Variants in ATP9A observed in about 807,000 individuals in gnomAD.
The protein encoded by ATP9A is probable phospholipid-transporting ATPase IIA.
Under a neutral mutation model 144.1 loss-of-function variants are expected in ATP9A, and 52 were observed. The ratio of observed to expected loss-of-function variants is 0.36; its 90% CI spans 0.29 to 0.45. The LOEUF is 0.45. Ranked by LOEUF, ATP9A falls within the 20% of genes least tolerant of loss-of-function variation. The pLI, the probability that ATP9A is intolerant of heterozygous loss-of-function variation, is 1.00. For synonymous variants in ATP9A, 582 were observed against 557.4 expected (o/e 1.04, Z -0.62); for missense variants, 947 against 1,392.7 (o/e 0.68, Z 5.09).
At chr20:51,760,832 G>A (rs1476752836) in intron 1 of ATP9A, among the ~76,000 whole-genome samples, 1 of 151,900 alleles carries the variant, frequency 6.6e-6, no homozygotes, top group East Asian at 1.9e-4. Context: ...AGACCATCCT[G>A]GTCAACATGG....
intron 9 of ATP9A, among the ~76,000 whole-genome samples, chr20:51,688,554 T>C (rs1379972296): frequency 6.6e-6 from 1 of 151,808 alleles, no homozygotes; most frequent in Non-Finnish European, 1.5e-5. Context: ...ATTGTGCCAC[T>C]GTACTCCAGC....
In ATP9A at chr20:51,639,523, C is replaced by T. The variant is rs1489158616; in HGVS notation, c.1507-19G>A. The T allele has an allele frequency of 5.0e-6, 8 of 1,590,494 alleles. No homozygotes were observed. The highest frequency in any genetic ancestry group is 6.8e-6 in the Non-Finnish European group (8 of 1,168,590). On this transcript the variant is annotated intron_variant, in intron 14 of 27. Transcript: ENST00000338821. ...GGGCCACCTAAACATAACACAGGGT[C>T]GAAGGTCAGATGCCCAGCCGAGAAT... is the stretch of plus-strand genomic sequence containing the variant.
At chr20:51,650,282 T>A (rs2077358253) in intron 14 of ATP9A, among the ~76,000 whole-genome samples, 1 of 152,208 alleles carries the variant, frequency 6.6e-6, no homozygotes, top group Admixed American at 6.5e-5. Context: ...ACGCCTGTAC[T>A]CTCAGCACTT....
chr20:51,698,654 G>A (rs977871102), intron 4 of ATP9A, among the ~76,000 whole-genome samples: 1 of 152,172 alleles, frequency 6.6e-6, no homozygotes, highest in Middle Eastern at 3.2e-3. Context: ...GAATCAGAGG[G>A]GTGGCTGTCA....
chr20:51,613,141 G>A (rs2077190935), intron 23 of ATP9A, among the ~76,000 whole-genome samples: 1 of 152,148 alleles, frequency 6.6e-6, no homozygotes. Flanking sequence ...ACACTGCATT[G>A]TCAACACTTA....
chr20:51,681,461 G>A (rs561327574), intron 9 of ATP9A, among the ~76,000 whole-genome samples: 12 of 122,604 alleles, frequency 9.8e-5, no homozygotes, highest in South Asian at 4.9e-4. Flanking sequence ...TCACTTTGTC[G>A]CCCAGGCTGG....
At chr20:51,751,900 T>C (rs1467726225) in intron 1 of ATP9A, among the ~76,000 whole-genome samples, 2 of 152,080 alleles carry the variant, frequency 1.3e-5, no homozygotes, top group African/African-American at 4.8e-5. Context: ...TCCTCTTCTT[T>C]ATTCACTCGC....
rs576508269 is a variant in ATP9A, at chr20:51,746,491, G to C, written c.69-16513C>G. On this transcript the variant is annotated intron_variant, in intron 1 of 27. Transcript: ENST00000338821. ...AGGCAGGCGGATCACCTGAGGTCAGGAGTTCAGGACCAGCCTGGCCAACAT... is the reference window on the plus strand; with the variant it reads ...AGGCAGGCGGATCACCTGAGGTCAGCAGTTCAGGACCAGCCTGGCCAACAT... Among the ~76,000 whole-genome samples, 10 of 152,260 alleles carry C rather than the reference G, an allele frequency of 6.6e-5. No homozygotes were observed. In the East Asian group the frequency reaches 1.9e-3, roughly 29 times the overall value.
At chr20:51,743,424 G>A (rs1174509549) in intron 1 of ATP9A, among the ~76,000 whole-genome samples, 3 of 24,020 alleles carry the variant, frequency 1.2e-4, no homozygotes, top group African/African-American at 9.1e-4. Context: ...TTTTGAGACG[G>A]AGTCTCACTC....
chr20:51,678,106 G>C (rs1221506927), intron 9 of ATP9A, among the ~76,000 whole-genome samples: 1 of 140,718 alleles, frequency 7.1e-6, no homozygotes, highest in African/African-American at 2.7e-5. Flanking sequence ...AAGTCAAGCG[G>C]AGAAACATAC....
At chr20:51,645,381 G>A (rs1213485860) in intron 14 of ATP9A, among the ~76,000 whole-genome samples, 8 of 152,154 alleles carry the variant, frequency 5.3e-5, no homozygotes, top group African/African-American at 7.2e-5. Flanking sequence ...TTAGCAGAGC[G>A]TGGTGGCAGG....
intron 14 of ATP9A, among the ~76,000 whole-genome samples, chr20:51,651,807 T>C (rs1358996324): frequency 2.6e-5 from 4 of 152,034 alleles, no homozygotes; most frequent in Non-Finnish European, 4.4e-5. Flanking sequence ...TGGGCACCTG[T>C]AGTCCCAGCT....
chr20:51,619,591 A>G (rs983425434), intron 19 of ATP9A, among the ~76,000 whole-genome samples: 5 of 136,914 alleles, frequency 3.7e-5, no homozygotes, highest in Non-Finnish European at 7.8e-5. Flanking sequence ...GGGGGGGGCC[A>G]GGTACGGTGG....
chr20:51,598,753 G>A lies in ATP9A; in HGVS notation c.*2458C>T, dbSNP rs1424539294. 1 of 152,278 alleles carries A rather than the reference G, an allele frequency of 6.6e-6. No individual in the cohort carries two copies. The highest frequency in any genetic ancestry group is 6.5e-5 in the Admixed American group (1 of 15,284). 9.4% of individuals were successfully genotyped at this position (152,278 alleles called of 1,614,324 possible). A position where few individuals can be genotyped will look rare whatever the true frequency, so the allele number is the denominator to read the frequency against. Reference sequence around the variant, plus strand: ...TCCTGCCTTTGCGTCTCCAGTGTCTGAGAAGCACGGTGTGTGCATTCCTAG... The same window carrying A: ...TCCTGCCTTTGCGTCTCCAGTGTCTAAGAAGCACGGTGTGTGCATTCCTAG... On this transcript the variant is annotated 3_prime_UTR_variant, in exon 28 of 28. Coordinates refer to ENST00000338821, the MANE Select transcript of ATP9A (RefSeq NM_006045.3).
chr20:51,708,274 G>A (rs1449477182), intron 4 of ATP9A, among the ~76,000 whole-genome samples: 7 of 147,818 alleles, frequency 4.7e-5, no homozygotes, highest in Admixed American at 1.4e-4. Flanking sequence ...GCAACATGGC[G>A]AAATCCCATC....
intron 17 of ATP9A, among the ~76,000 whole-genome samples, chr20:51,626,932 C>T (rs1198647288): frequency 6.6e-6 from 1 of 151,922 alleles, no homozygotes; most frequent in Non-Finnish European, 1.5e-5. Flanking sequence ...TGACGGGCAA[C>T]TGTAATCCCA....
At chr20:51,617,962 A>G (rs1302987250) in intron 21 of ATP9A, among the ~76,000 whole-genome samples, 1 of 152,232 alleles carries the variant, frequency 6.6e-6, no homozygotes. Flanking sequence ...GCTCACGACT[A>G]TAATCTCAGC....
chr20:51,688,992 G>T (rs535793761), intron 9 of ATP9A, 72 bp downstream of exon 9: 4 of 1,504,562 alleles, frequency 2.7e-6, no homozygotes, highest in South Asian at 1.1e-5. Context: ...ACTGACAGAT[G>T]ATTATTCTAA....
chr20:51,681,370 T>C (rs2077498942), intron 9 of ATP9A, among the ~76,000 whole-genome samples: 1 of 152,100 alleles, frequency 6.6e-6, no homozygotes, highest in Non-Finnish European at 1.5e-5. Flanking sequence ...TTTTTACTGA[T>C]TTTGGAGGAA....
Sources: allele counts gnomAD v4.1 joint callset (sites outside exome capture counted in the v4.1 genomes callset), GRCh38; gene constraint gnomAD v4.1.1; transcripts MANE v1.5; gene names NCBI Gene and HGNC (gene_info 2026-07-23, HGNC 2026-07-21).